Variants in SNX29 observed in about 807,000 individuals in gnomAD.
SNX29 encodes sorting nexin 29.
In SNX29, 78 loss-of-function variants were observed where a neutral mutation model predicts 102.1. That is an observed-to-expected ratio of 0.76 (90% confidence interval 0.64 to 0.92). The LOEUF (loss-of-function observed/expected upper bound fraction) is 0.92. Among genes scored for constraint, SNX29 ranks in the 40% least tolerant of loss-of-function variants. The pLI is 0.00. For synonymous variants in SNX29, 580 were observed against 414.5 expected (o/e 1.40, Z -4.85); for missense variants, 1,280 against 1,061.7 (o/e 1.21, Z -2.86).
intron 19 of SNX29, among the ~76,000 whole-genome samples, chr16:12,507,314 A>G (rs1044937895): frequency 6.6e-6 from 1 of 152,200 alleles, no homozygotes; most frequent in Non-Finnish European, 1.5e-5. Context: ...ATAGTCAGAG[A>G]AGGAGAAGCT....
chr16:12,004,188 A>C (rs1228671031), intron 3 of SNX29, among the ~76,000 whole-genome samples: 1 of 151,790 alleles, frequency 6.6e-6, no homozygotes, highest in Admixed American at 6.6e-5. Flanking sequence ...AAAAATACAA[A>C]AAATTAGCCA....
At chr16:12,348,144 T>A (rs902507091) in intron 15 of SNX29, among the ~76,000 whole-genome samples, 1 of 152,166 alleles carries the variant, frequency 6.6e-6, no homozygotes, top group African/African-American at 2.4e-5. Flanking sequence ...CACAAGGTCA[T>A]CCAGCAGTGA....
At chr16:12,536,018 A>G (rs1342563550) in intron 20 of SNX29, among the ~76,000 whole-genome samples, 1 of 152,154 alleles carries the variant, frequency 6.6e-6, no homozygotes, top group Non-Finnish European at 1.5e-5. Flanking sequence ...ACTCGGAGCT[A>G]TCCCGTTCCT....
intron 18 of SNX29, among the ~76,000 whole-genome samples, chr16:12,425,715 A>G (rs935775496): frequency 6.6e-6 from 1 of 152,034 alleles, no homozygotes; most frequent in African/African-American, 2.4e-5. Flanking sequence ...TGGAGTTTGC[A>G]CAGATGATTT....
intron 1 of SNX29, chr16:11,983,671 C>G: frequency 1.0e-6 from 1 of 985,406 alleles, no homozygotes; most frequent in African/African-American, 1.7e-5. Context: ...CTAGGTCCTA[C>G]TGATGTTGGC....
At chr16:12,084,912 T>TA (rs1185833986) in intron 11 of SNX29, among the ~76,000 whole-genome samples, 1 of 151,374 alleles carries the variant, frequency 6.6e-6, no homozygotes, top group South Asian at 2.1e-4. Context: ...CTATAAAAAA[T>TA]AAAAAAAATT....
chr16:12,570,965 T>G lies in SNX29; in HGVS notation c.*2336T>G. ...CACATGGGGACCATCCCCAGCTGCC[T>G]GCTCCTGGTACCTCCCCCATGATCA... On this transcript the variant is annotated 3_prime_UTR_variant, in exon 21 of 21. Transcript: ENST00000566228. 1 of 232,234 alleles carries G rather than the reference T, an allele frequency of 4.3e-6. No individual in the cohort carries two copies. The highest frequency in any genetic ancestry group is 6.1e-5 in the East Asian group (1 of 16,452). 14.4% of individuals were successfully genotyped at this position (232,234 alleles called of 1,614,324 possible).
intron 1 of SNX29, among the ~76,000 whole-genome samples, chr16:11,996,215 A>G (rs762979828): frequency 5.3e-5 from 8 of 152,054 alleles, no homozygotes; most frequent in Non-Finnish European, 1.2e-4. Context: ...CCGTCTGTAT[A>G]AAAAATAAAA....
chr16:12,173,519 A>G (rs1488026096), intron 13 of SNX29, among the ~76,000 whole-genome samples: 1 of 152,188 alleles, frequency 6.6e-6, no homozygotes, highest in African/African-American at 2.4e-5. Flanking sequence ...CCAAGTGCTG[A>G]GTGAGGTCTT....
At chr16:12,041,278 A>G (rs1439442120) in intron 4 of SNX29, among the ~76,000 whole-genome samples, 2 of 151,934 alleles carry the variant, frequency 1.3e-5, no homozygotes, top group Admixed American at 6.6e-5. Flanking sequence ...TGCCTGGCTC[A>G]TTATTGTATT....
At chr16:12,122,248 C>T (rs1046136361) in intron 11 of SNX29, among the ~76,000 whole-genome samples, 1 of 152,174 alleles carries the variant, frequency 6.6e-6, no homozygotes, top group African/African-American at 2.4e-5. Context: ...CTGTCGCCAC[C>T]TTCCTTCGCG....
chr16:12,128,700 G>T (rs1018350265), intron 12 of SNX29, among the ~76,000 whole-genome samples: 2 of 152,026 alleles, frequency 1.3e-5, no homozygotes, highest in Non-Finnish European at 2.9e-5. Flanking sequence ...TGATCCACCC[G>T]CCTTGGCCTC....
intron 19 of SNX29, among the ~76,000 whole-genome samples, chr16:12,493,249 A>C (rs1000175593): frequency 6.6e-6 from 1 of 152,170 alleles, no homozygotes; most frequent in Non-Finnish European, 1.5e-5. Context: ...GAGGTCCTTC[A>C]CATCCCTTGT....
At chr16:12,546,504 C>T (rs917930791) in intron 20 of SNX29, 1 of 152,182 alleles carries the variant, frequency 6.6e-6, no homozygotes, top group Non-Finnish European at 1.5e-5. Flanking sequence ...AAGACTCGCC[C>T]CTGTGATTCA....
In SNX29 at chr16:12,568,829, A is replaced by T; in HGVS notation, c.*200A>T. ...CATGATACCGTGACCCGAGAGACCA[A>T]GGCAGCACCTCGCTGGAGAGACTGG... On this transcript the variant is annotated 3_prime_UTR_variant, in exon 21 of 21. Transcript: ENST00000566228. 1 of 799,612 alleles carries T rather than the reference A, an allele frequency of 1.3e-6. No individual in the cohort carries two copies. 49.5% of individuals were successfully genotyped at this position (799,612 alleles called of 1,614,324 possible). A position where few individuals can be genotyped will look rare whatever the true frequency, so the allele number is the denominator to read the frequency against.
intron 18 of SNX29, among the ~76,000 whole-genome samples, chr16:12,437,551 G>T (rs1452144345): frequency 6.6e-6 from 1 of 152,194 alleles, no homozygotes; most frequent in African/African-American, 2.4e-5. Flanking sequence ...GCAGAATGGG[G>T]CTGGCAGGTA....
At chr16:12,296,442 A>G (rs1426925449) in intron 15 of SNX29, among the ~76,000 whole-genome samples, 26 of 152,354 alleles carry the variant, frequency 1.7e-4, no homozygotes, top group Admixed American at 1.7e-3. Flanking sequence ...TTTTTGGTGT[A>G]GCACTTCACA....
rs146886371 is a variant in SNX29, at chr16:12,046,430, A to G, written c.475A>G (p.Ser159Gly). 8.0e-4 allele frequency: 1,297 copies of G among 1,613,866 alleles called. 1 individual carries two copies. The highest frequency in any genetic ancestry group is 1.1e-3 in the Non-Finnish European group (1,244 of 1,179,770). The change falls in exon 6 of 21, where the codon AGT becomes GGT. Residue 159 changes from serine to glycine, a missense_variant. Coordinates refer to ENST00000566228, the MANE Select transcript of SNX29 (RefSeq NM_032167.5). ...WSFVMDEERS[S>G]MLPTMAAGLN... ...TTTTGTGATGGATGAAGAAAGGTCC[A>G]GTATGCTTCCTACCATGGCAGCAGG...
chr16:12,408,185 A>AAAC (rs2084252851), intron 18 of SNX29, among the ~76,000 whole-genome samples: 1 of 115,590 alleles, frequency 8.7e-6, no homozygotes, highest in Non-Finnish European at 2.0e-5. Flanking sequence ...AACAAAAAAA[A>AAAC]AACTAGAAGC....
Sources: gnomAD v4.1 joint callset for allele counts (sites outside exome capture counted in the v4.1 genomes callset) on GRCh38, gnomAD v4.1.1 for gene constraint, MANE v1.5 for transcripts, NCBI Gene and HGNC (gene_info 2026-07-23, HGNC 2026-07-21) for gene names.